Variants in TXNDC5 observed in about 807,000 individuals in gnomAD.
TXNDC5 encodes thioredoxin domain-containing protein 5.
In TXNDC5, 44 loss-of-function variants were observed where a neutral mutation model predicts 52.6. The ratio of observed to expected loss-of-function variants is 0.84; its 90% CI spans 0.66 to 1.08. The LOEUF is 1.08. TXNDC5 is among the 50% of genes least tolerant of loss of function. TXNDC5 has a pLI of 0.00. For missense variants in TXNDC5, 600 were observed against 565.5 expected (o/e 1.06, Z -0.62); for synonymous variants, 241 against 234.4 (o/e 1.03, Z -0.26).
In TXNDC5 at chr6:7,884,378, T is replaced by C. The variant is rs1224552750; in HGVS notation, c.1157A>G (p.Asn386Ser). 2 of 1,614,102 alleles carry C rather than the reference T, an allele frequency of 1.2e-6. No individual in the cohort carries two copies. Among genetic ancestry groups the C allele is most frequent in the Non-Finnish European group, 1.7e-6 (2 of 1,179,984 alleles). Reference sequence around the variant, plus strand: ...ACCCACCGAATACTTGCTGCAGATATTCCGTTCAGCAGTGCAGTCTACTTC... The same window carrying C: ...ACCCACCGAATACTTGCTGCAGATACTCCGTTCAGCAGTGCAGTCTACTTC... The part of the protein sequence containing the change: ...IAEVDCTAER[N>S]ICSKYSVRGY... The change falls in exon 9 of 10, where the codon AAT becomes AGT. Residue 386 changes from asparagine to serine, a missense_variant. Transcript: ENST00000379757.
intron 1 of TXNDC5, 77 bp from the exon 2 acceptor site, chr6:7,904,800 G>A: frequency 6.4e-7 from 1 of 1,550,420 alleles, no homozygotes. Context: ...GCTCTGTCCA[G>A]GGGACAATGG....
At chr6:7,894,038 G>C (rs923601565) in intron 4 of TXNDC5, among the ~76,000 whole-genome samples, 3 of 152,196 alleles carry the variant, frequency 2.0e-5, no homozygotes, top group Non-Finnish European at 4.4e-5. Context: ...GCAAAAAATG[G>C]GATGTGGTAT....
chr6:7,883,081 G>A lies in TXNDC5; in HGVS notation c.*63C>T. The A allele has an allele frequency of 1.9e-6, 3 of 1,609,084 alleles. No individual in the cohort carries two copies. Among genetic ancestry groups the A allele is most frequent in the Non-Finnish European group, 2.5e-6 (3 of 1,176,852 alleles). On this transcript the variant is annotated 3_prime_UTR_variant, in exon 10 of 10. Coordinates refer to ENST00000379757, the MANE Select transcript of TXNDC5 (RefSeq NM_030810.5). ...CACTGGGAACCCAGTGGCCTCTGTG[G>A]GACTGAACTCCTAAACGCAGGGTGC...
chr6:7,885,335 G>A (rs894332547), intron 8 of TXNDC5, among the ~76,000 whole-genome samples: 2 of 152,160 alleles, frequency 1.3e-5, no homozygotes, highest in African/African-American at 4.8e-5. Context: ...TTTCAGCTGA[G>A]GGAACTGGGG....
At chr6:7,898,996 C>T (rs1760469876) in intron 3 of TXNDC5, among the ~76,000 whole-genome samples, 1 of 152,094 alleles carries the variant, frequency 6.6e-6, no homozygotes, top group South Asian at 2.1e-4. Context: ...AGGAAGGATC[C>T]ACCCTACGGG....
intron 3 of TXNDC5, 140 bp from the exon 4 acceptor site, chr6:7,895,342 G>C: frequency 1.4e-6 from 1 of 725,258 alleles, no homozygotes; most frequent in Non-Finnish European, 2.2e-6. Context: ...CGATGCTGCT[G>C]TGCTGAGTGA....
intron 5 of TXNDC5, 57 bp downstream of exon 5, chr6:7,891,561 TCTG>T: frequency 7.2e-7 from 1 of 1,393,690 alleles, no homozygotes. Context: ...AATGGGCCAC[TCTG>T]CTAATTAATC....
At position 7,901,085 on chromosome 6, in the gene TXNDC5, G is replaced by T. The variant is rs138465438; in HGVS notation, c.414-1404C>A. ...GGGGCATAGGTAGGGTCCCTAATGT[G>T]TCTCCAGTGCAGAATATACACCCAG... On this transcript the variant is annotated intron_variant, in intron 2 of 9. Coordinates refer to ENST00000379757, the MANE Select transcript of TXNDC5 (RefSeq NM_030810.5). Among the ~76,000 whole-genome samples, 10 of 152,266 alleles carry T rather than the reference G, an allele frequency of 6.6e-5. No individual in the cohort carries two copies. The East Asian group carries it at 1.9e-3, about 29-fold the overall frequency.
At position 7,884,448 on chromosome 6, in the gene TXNDC5, G is replaced by C; in HGVS notation, c.1087C>G (p.Leu363Val). 5 of 1,614,102 alleles carry C rather than the reference G, an allele frequency of 3.1e-6. No individual in the cohort carries two copies. Among genetic ancestry groups the C allele is most frequent in the Non-Finnish European group, 4.2e-6 (5 of 1,180,002 alleles). Residue 363 changes from leucine (L) to valine (V), a missense_variant, in exon 9 of 10, where the codon CTC becomes GTC. Coordinates refer to ENST00000379757, the MANE Select transcript of TXNDC5 (RefSeq NM_030810.5). ...AGACCAGGGAATTCCTTTTTAGAGAGTTCCTCCCAAGTAGGAGCCAGAGTC... is the reference window on the plus strand; with the variant it reads ...AGACCAGGGAATTCCTTTTTAGAGACTTCCTCCCAAGTAGGAGCCAGAGTC... Reference protein sequence around the residue: ...CKTLAPTWEELSKKEFPGLAG... With the variant: ...CKTLAPTWEEVSKKEFPGLAG...
intron 8 of TXNDC5, among the ~76,000 whole-genome samples, chr6:7,884,772 G>C (rs1759901823): frequency 6.6e-6 from 1 of 152,206 alleles, no homozygotes; most frequent in Non-Finnish European, 1.5e-5. Flanking sequence ...ATGCCATGGT[G>C]AACTGTGCTA....
intron 8 of TXNDC5, among the ~76,000 whole-genome samples, chr6:7,885,340 C>G (rs1759928218): frequency 6.6e-6 from 1 of 152,142 alleles, no homozygotes; most frequent in Admixed American, 6.5e-5. Context: ...GCTGAGGGAA[C>G]TGGGGTTCAA....
Position 7,883,210 on chromosome 6 carries a change from G to A in TXNDC5, c.1233C>T (p.His411=), listed in dbSNP as rs978766444. The A allele has an allele frequency of 1.2e-6, 2 of 1,614,070 alleles. No homozygotes were observed. Among genetic ancestry groups the A allele is most frequent in the African/African-American group, 1.3e-5 (1 of 74,922 alleles). ...ACGAGTCAAGGTCTCTGCCTCCACT[G>A]TGCTCACTGACTTTCTTCCCTCCTC... ...LFRGGKKVSE[H]SGGRDLDSLH... is the part of the protein sequence containing the mutation. Residue 411 remains histidine (H), a synonymous_variant, in exon 10 of 10, where the codon CAC becomes CAT. Coordinates refer to ENST00000379757, the MANE Select transcript of TXNDC5 (RefSeq NM_030810.5).
At position 7,889,583 on chromosome 6, in the gene TXNDC5, T is replaced by C. The variant is rs1450161364; in HGVS notation, c.733-2A>G. ...TTCATAGTGCTGTGTACAATCAACC[T>C]GAGAATAAAAGCAGATCAACTTCCC... On this transcript the variant is annotated splice_acceptor_variant, in intron 5 of 9. Coordinates refer to ENST00000379757, the MANE Select transcript of TXNDC5 (RefSeq NM_030810.5). LOFTEE classifies it high-confidence loss of function. 1 of 1,605,876 alleles carries C rather than the reference T, an allele frequency of 6.2e-7. No individual in the cohort carries two copies. Among genetic ancestry groups the C allele is most frequent in the South Asian group, 1.1e-5 (1 of 90,760 alleles).
chr6:7,908,100 T>C (rs1403431678), intron 1 of TXNDC5, among the ~76,000 whole-genome samples: 1 of 151,936 alleles, frequency 6.6e-6, no homozygotes, highest in African/African-American at 2.4e-5. Flanking sequence ...CTGGCCAACA[T>C]GGTGAAACCC....
At position 7,882,413 on chromosome 6, in the gene TXNDC5, A is replaced by G. The variant is rs1759790156; in HGVS notation, c.*731T>C. The G allele has an allele frequency of 6.6e-6, 1 of 152,260 alleles. No homozygotes were observed. The highest frequency in any genetic ancestry group is 6.5e-5 in the Admixed American group (1 of 15,284). The allele number at this position is 152,260 out of a possible 1,614,324, so 9.4% of individuals were successfully genotyped here. On this transcript the variant is annotated 3_prime_UTR_variant, in exon 10 of 10. Transcript: ENST00000379757. The stretch of plus-strand genomic sequence containing the variant: ...GCTCTGGCTTCGTGTTAACATGAGG[A>G]ACTAAAGACATGTTTCACCCCGTGA...
At chr6:7,909,887 G>A (rs1442910727) in intron 1 of TXNDC5, 2 of 985,904 alleles carry the variant, frequency 2.0e-6, no homozygotes, top group Non-Finnish European at 2.4e-6. Context: ...CGACCCCGGT[G>A]GCCGCGGCAG....
chr6:7,882,488 A>C lies in TXNDC5; in HGVS notation c.*656T>G, dbSNP rs1759797309. 2 of 152,330 alleles carry C rather than the reference A, an allele frequency of 1.3e-5. No individual in the cohort carries two copies. Among genetic ancestry groups the C allele is most frequent in the African/African-American group, 4.8e-5 (2 of 41,468 alleles). 9.4% of individuals were successfully genotyped at this position (152,330 alleles called of 1,614,324 possible). A position where few individuals can be genotyped will look rare whatever the true frequency, so the allele number is the denominator to read the frequency against. On this transcript the variant is annotated 3_prime_UTR_variant, in exon 10 of 10. Transcript: ENST00000379757. ...TAACTGATTTGACAAGTATCGACAC[A>C]TAAAGTTATGGCATCAGCATTCTCT...
At chr6:7,889,268 G>T in intron 6 of TXNDC5, 2 of 523,734 alleles carry the variant, frequency 3.8e-6, no homozygotes, top group Non-Finnish European at 6.8e-6. Context: ...GTAAGATGTG[G>T]GTTATTCTAG....
chr6:7,910,575 C>T lies in TXNDC5; in HGVS notation c.202G>A (p.Ala68Thr). 2 of 1,447,904 alleles carry T rather than the reference C, an allele frequency of 1.4e-6. No homozygotes were observed. The highest frequency in any genetic ancestry group is 9.2e-7 in the Non-Finnish European group (1 of 1,089,100). 89.7% of individuals were successfully genotyped at this position (1,447,904 alleles called of 1,614,324 possible). Residue 68 changes from alanine to threonine, a missense_variant, in exon 1 of 10, where the codon GCC (alanine) becomes ACC (threonine). Physicochemically the swap from Ala to Thr is moderately conservative, Grantham distance 58. Coordinates refer to ENST00000379757, the MANE Select transcript of TXNDC5 (RefSeq NM_030810.5). ...QDPHSKHLYT[A>T]DMFTHGIQSA... Reference sequence around the variant, plus strand: ...TGGATCCCGTGCGTGAACATGTCGGCCGTGTACAGGTGCTTGCTGTGCGGG... The same window carrying T: ...TGGATCCCGTGCGTGAACATGTCGGTCGTGTACAGGTGCTTGCTGTGCGGG...
Sources: gnomAD v4.1 joint callset for allele counts (sites outside exome capture counted in the v4.1 genomes callset) on GRCh38, gnomAD v4.1.1 for gene constraint, MANE v1.5 for transcripts, NCBI Gene and HGNC (gene_info 2026-07-23, HGNC 2026-07-21) for gene names.